Variants in LNP1 observed in about 807,000 individuals in gnomAD.
LNP1 encodes the protein leukemia NUP98 fusion partner 1.
LNP1 carries 12 observed loss-of-function variants against 14.5 expected under a neutral mutation model. The ratio of observed to expected loss-of-function variants is 0.83; its 90% CI spans 0.53 to 1.34. The LOEUF is 1.34. Ranked by LOEUF, LNP1 falls within the 40% of genes most tolerant of loss-of-function variation. LNP1 has a pLI of 0.00. For synonymous variants in LNP1, 75 were observed against 71.4 expected (o/e 1.05, Z -0.26); for missense variants, 198 against 210.9 (o/e 0.94, Z 0.38).
intron 1 of LNP1, among the ~76,000 whole-genome samples, chr3:100,405,232 CACAT>C: frequency 6.6e-6 from 1 of 152,278 alleles, no homozygotes; most frequent in Middle Eastern, 3.4e-3. Context: ...TTTATATACA[CACAT>C]AAACACAAAA....
intron 2 of LNP1, among the ~76,000 whole-genome samples, chr3:100,443,605 T>G (rs1707363512): frequency 6.6e-6 from 1 of 152,212 alleles, no homozygotes; most frequent in South Asian, 2.1e-4. Flanking sequence ...CATTCTTTAC[T>G]TACCACAGGT....
intron 1 of LNP1, among the ~76,000 whole-genome samples, chr3:100,417,542 AT>A (rs1235656030): frequency 6.6e-6 from 1 of 150,454 alleles, no homozygotes; most frequent in Non-Finnish European, 1.5e-5. Context: ...TGCCCTGCTA[AT>A]TTTTTTTGTA....
At chr3:100,426,653 T>C (rs1349016062) in intron 1 of LNP1, among the ~76,000 whole-genome samples, 1 of 152,196 alleles carries the variant, frequency 6.6e-6, no homozygotes, top group African/African-American at 2.4e-5. Flanking sequence ...AGGTGTTTTT[T>C]CCAGTGGAGA....
At chr3:100,408,256 G>A (rs1706990131) in intron 1 of LNP1, among the ~76,000 whole-genome samples, 1 of 152,196 alleles carries the variant, frequency 6.6e-6, no homozygotes, top group African/African-American at 2.4e-5. Context: ...AGCCTGTCCA[G>A]AGATTCTAGG....
rs144277527 is a variant in LNP1, at chr3:100,426,025, G to T, written c.-33-3672G>T. Among the ~76,000 whole-genome samples, 692 of 152,280 alleles carry T rather than the reference G, an allele frequency of 4.5e-3. 5 individuals are homozygous for T. The highest frequency in any genetic ancestry group is 8.2e-3 in the Non-Finnish European group (556 of 68,014). Reference sequence around the variant, plus strand: ...ATAGCAGTGAGCTATCCCATAAGGGGTCAAGAGCCCTATCTGTCAGGAGTG... The same window carrying T: ...ATAGCAGTGAGCTATCCCATAAGGGTTCAAGAGCCCTATCTGTCAGGAGTG... On this transcript the variant is annotated intron_variant, in intron 1 of 3. Coordinates refer to ENST00000383693, the MANE Select transcript of LNP1 (RefSeq NM_001085451.2).
intron 2 of LNP1, 98 bp from the exon 3 acceptor site, chr3:100,451,621 A>G (rs1707438402): frequency 1.6e-6 from 1 of 642,734 alleles, no homozygotes; most frequent in African/African-American, 1.8e-5. Flanking sequence ...TCAATTCAAC[A>G]TGAGATTCAT....
chr3:100,417,367 TTTTC>T (rs1226700748), intron 1 of LNP1, among the ~76,000 whole-genome samples: 21 of 129,960 alleles, frequency 1.6e-4, no homozygotes, highest in African/African-American at 6.7e-4. Flanking sequence ...TTTCTTTCTT[TTTTC>T]TTTTTTTTTT....
chr3:100,421,726 T>G (rs1348711266), intron 1 of LNP1, among the ~76,000 whole-genome samples: 1 of 152,198 alleles, frequency 6.6e-6, no homozygotes, highest in African/African-American at 2.4e-5. Flanking sequence ...GGTCAAAGGA[T>G]GCAAATTTTT....
At chr3:100,408,209 A>G (rs1197665796) in intron 1 of LNP1, among the ~76,000 whole-genome samples, 2 of 152,168 alleles carry the variant, frequency 1.3e-5, no homozygotes, top group Non-Finnish European at 2.9e-5. Context: ...TCCAGCCCTC[A>G]CAATCTGGCT....
At chr3:100,448,285 C>G (rs1225321671) in intron 2 of LNP1, among the ~76,000 whole-genome samples, 1 of 152,140 alleles carries the variant, frequency 6.6e-6, no homozygotes, top group African/African-American at 2.4e-5. Context: ...TTATAATTTA[C>G]TTTGAAACAA....
chr3:100,422,555 T>C (rs1319065152), intron 1 of LNP1, among the ~76,000 whole-genome samples: 3 of 152,154 alleles, frequency 2.0e-5, no homozygotes, highest in Non-Finnish European at 4.4e-5. Flanking sequence ...AATAACACTT[T>C]TGGAGACAAA....
At chr3:100,428,112 G>A (rs924597824) in intron 1 of LNP1, among the ~76,000 whole-genome samples, 6 of 152,134 alleles carry the variant, frequency 3.9e-5, no homozygotes, top group East Asian at 1.9e-4. Flanking sequence ...TCTATTCCCC[G>A]CTTCAAACTT....
At chr3:100,430,887 T>A (rs1456337336) in intron 2 of LNP1, among the ~76,000 whole-genome samples, 2 of 152,218 alleles carry the variant, frequency 1.3e-5, no homozygotes, top group Admixed American at 6.5e-5. Flanking sequence ...GCCAAATGCA[T>A]ACTCAGGGAC....
intron 2 of LNP1, among the ~76,000 whole-genome samples, chr3:100,431,763 C>T (rs1553741764): frequency 1.4e-5 from 2 of 143,444 alleles, no homozygotes; most frequent in African/African-American, 2.6e-5. Context: ...GGGCCCAAGG[C>T]GGGAGGATCA....
chr3:100,415,920 TA>T (rs962212461), intron 1 of LNP1, among the ~76,000 whole-genome samples: 5 of 152,084 alleles, frequency 3.3e-5, no homozygotes, highest in African/African-American at 1.2e-4. Flanking sequence ...TTACTTGCTT[TA>T]AAAAAAAGGT....
At chr3:100,448,473 G>C (rs755174921) in intron 2 of LNP1, among the ~76,000 whole-genome samples, 23 of 152,116 alleles carry the variant, frequency 1.5e-4, no homozygotes, top group Non-Finnish European at 1.6e-4. Context: ...TCTGTTTTTG[G>C]CTGGGTTTAT....
intron 1 of LNP1, among the ~76,000 whole-genome samples, chr3:100,408,026 C>A (rs922194320): frequency 6.6e-6 from 1 of 152,106 alleles, no homozygotes; most frequent in Non-Finnish European, 1.5e-5. Context: ...TTCTGAAGTT[C>A]TTTGAGCTTC....
chr3:100,424,452 A>G (rs1022357020), intron 1 of LNP1, among the ~76,000 whole-genome samples: 15 of 152,214 alleles, frequency 9.9e-5, no homozygotes, highest in African/African-American at 3.6e-4. Flanking sequence ...GTTACAAAGT[A>G]CACACCTAAT....
chr3:100,442,915 G>C (rs1415416324), intron 2 of LNP1, among the ~76,000 whole-genome samples: 1 of 152,164 alleles, frequency 6.6e-6, no homozygotes, highest in Non-Finnish European at 1.5e-5. Context: ...TTTTTAGCAA[G>C]TTGTGAAGTC....
Sources: gnomAD v4.1 joint callset for allele counts (sites outside exome capture counted in the v4.1 genomes callset) on GRCh38, gnomAD v4.1.1 for gene constraint, MANE v1.5 for transcripts, NCBI Gene and HGNC (gene_info 2026-07-23, HGNC 2026-07-21) for gene names.